PPM1H: variants seen among roughly 807,000 people sequenced by gnomAD.
The protein encoded by PPM1H is protein phosphatase 1H.
PPM1H carries 27 observed loss-of-function variants against 54.9 expected under a neutral mutation model. The observed-to-expected ratio is 0.49, with a 90% CI of 0.36 to 0.68. The LOEUF is 0.68. Ranked by LOEUF, PPM1H falls within the 30% of genes least tolerant of loss-of-function variation. PPM1H has a pLI of 0.00. For synonymous variants in PPM1H, 305 were observed against 270.8 expected (o/e 1.13, Z -1.24); for missense variants, 596 against 667.8 (o/e 0.89, Z 1.19).
chr12:62,894,099 A>G (rs973543704), intron 1 of PPM1H, among the ~76,000 whole-genome samples: 4 of 152,198 alleles, frequency 2.6e-5, no homozygotes, highest in Non-Finnish European at 5.9e-5. Flanking sequence ...GCGACTCCTG[A>G]CAATACAATG....
chr12:62,658,894 T>G lies in PPM1H; in HGVS notation c.1397+8284A>C, dbSNP rs2075863424. On this transcript the variant is annotated intron_variant, in intron 9 of 9. Coordinates refer to ENST00000228705, the MANE Select transcript of PPM1H (RefSeq NM_020700.2). ...CCAAGAAGTTCATCCAGCACCAGTCTGACCAATATGTCAAAATTAAGCGTA... is the reference window on the plus strand; with the variant it reads ...CCAAGAAGTTCATCCAGCACCAGTCGGACCAATATGTCAAAATTAAGCGTA... 4.6e-6 allele frequency: 3 copies of G among 650,436 alleles called. No homozygotes were observed. In the East Asian group the frequency reaches 9.7e-5, roughly 21 times the overall value. 40.3% of individuals were successfully genotyped at this position (650,436 alleles called of 1,614,324 possible).
intron 1 of PPM1H, among the ~76,000 whole-genome samples, chr12:62,891,644 T>C (rs1313788230): frequency 3.3e-5 from 5 of 152,218 alleles, no homozygotes; most frequent in Non-Finnish European, 5.9e-5. Flanking sequence ...GCTGGTGCTT[T>C]TTTGTTCTTA....
At chr12:62,858,809 A>G (rs1869491274) in intron 1 of PPM1H, among the ~76,000 whole-genome samples, 1 of 152,220 alleles carries the variant, frequency 6.6e-6, no homozygotes, top group Non-Finnish European at 1.5e-5. Context: ...TTATAATTTA[A>G]CTGCTTTGGT....
At chr12:62,721,695 A>G (rs1445274809) in intron 5 of PPM1H, among the ~76,000 whole-genome samples, 2 of 152,152 alleles carry the variant, frequency 1.3e-5, no homozygotes, top group African/African-American at 4.8e-5. Flanking sequence ...TGTGAATCCA[A>G]GCTCTGCTTT....
chr12:62,744,766 C>T (rs2076401152), intron 4 of PPM1H, among the ~76,000 whole-genome samples: 2 of 152,174 alleles, frequency 1.3e-5, no homozygotes, highest in African/African-American at 4.8e-5. Flanking sequence ...CTGCAGCCGC[C>T]AGGACAGCTG....
chr12:62,731,424 C>T (rs777573875), intron 5 of PPM1H, among the ~76,000 whole-genome samples: 12 of 152,168 alleles, frequency 7.9e-5, no homozygotes, highest in Non-Finnish European at 1.8e-4. Context: ...CCCACCAGCA[C>T]GCTTGAACCT....
At chr12:62,916,587 G>T (rs1871629736) in intron 1 of PPM1H, among the ~76,000 whole-genome samples, 1 of 151,798 alleles carries the variant, frequency 6.6e-6, no homozygotes, top group African/African-American at 2.4e-5. Flanking sequence ...ATATATCTCA[G>T]GAAAAGATAT....
chr12:62,876,636 C>CA, intron 1 of PPM1H, among the ~76,000 whole-genome samples: 1 of 152,260 alleles, frequency 6.6e-6, no homozygotes, highest in Middle Eastern at 3.4e-3. Context: ...TATAGGTCCC[C>CA]AGGACGTAGA....
At position 62,934,951 on chromosome 12, in the gene PPM1H, A is replaced by G; in HGVS notation, c.-215T>C. The G allele has an allele frequency of 3.3e-6, 1 of 304,340 alleles. No homozygotes were observed. Among genetic ancestry groups the G allele is most frequent in the Non-Finnish European group, 5.7e-6 (1 of 175,046 alleles). The allele number at this position is 304,340 out of a possible 1,614,324, so 18.9% of individuals were successfully genotyped here. On this transcript the variant is annotated 5_prime_UTR_variant, in exon 1 of 10. Coordinates refer to ENST00000228705, the MANE Select transcript of PPM1H (RefSeq NM_020700.2). The surrounding 1 kb of genome is among the most constrained non-coding windows in gnomAD (Gnocchi z 4.2). Reference sequence around the variant, plus strand: ...GCGGTGGCCGCCGCCTCCCCCCGCTACACTTCCGCAACGGAGCTGCATGGA... The same window carrying G: ...GCGGTGGCCGCCGCCTCCCCCCGCTGCACTTCCGCAACGGAGCTGCATGGA...
In PPM1H at chr12:62,934,570, C is replaced by T; in HGVS notation, c.167G>A (p.Cys56Tyr). 6 of 1,557,358 alleles carry T rather than the reference C, an allele frequency of 3.9e-6. No homozygotes were observed. Among genetic ancestry groups the T allele is most frequent in the Non-Finnish European group, 5.2e-6 (6 of 1,151,754 alleles). Residue 56 changes from cysteine (C) to tyrosine (Y), a missense_variant, in exon 1 of 10, where the codon TGC becomes TAC. Cys to Tyr is a radical substitution (Grantham distance 194). This residue lies in a region of PPM1H where 382 missense variants were observed against 387.1 expected (regional missense o/e 0.99). Transcript: ENST00000228705. The surrounding 1 kb of genome is among the most constrained non-coding windows in gnomAD (Gnocchi z 4.2). ...FLGLSQDEVE[C>Y]SADHIARPIL... ...GGGGCGGGCGATGTGGTCGGCGCTG[C>T]ACTCCACCTCGTCCTGAGACAGCCC...
At chr12:62,818,351 GATAA>G (rs898860512) in intron 2 of PPM1H, among the ~76,000 whole-genome samples, 3 of 152,110 alleles carry the variant, frequency 2.0e-5, no homozygotes, top group Non-Finnish European at 2.9e-5. Flanking sequence ...CAATCAGTAT[GATAA>G]ATAAAGACTC....
chr12:62,735,534 G>A (rs190711698), intron 5 of PPM1H, among the ~76,000 whole-genome samples: 79 of 152,216 alleles, frequency 5.2e-4, no homozygotes, highest in African/African-American at 1.7e-3. Flanking sequence ...TAAATCTTTC[G>A]TTCAGTAAAC....
Position 62,667,469 on chromosome 12 carries a change from C to G in PPM1H, c.1246-140G>C, listed in dbSNP as rs189011784. The G allele has an allele frequency of 2.1e-5, 16 of 753,278 alleles. No individual in the cohort carries two copies. In the East Asian group the frequency reaches 4.4e-4, roughly 21 times the overall value. 46.7% of individuals were successfully genotyped at this position (753,278 alleles called of 1,614,324 possible). On this transcript the variant is annotated intron_variant, in intron 8 of 9. Coordinates refer to ENST00000228705, the MANE Select transcript of PPM1H (RefSeq NM_020700.2). Reference sequence around the variant, plus strand: ...ATGCATTGTAGGGTACTTGATTATACAGCGAGCTGTGTGGCCAGGGATAGT... The same window carrying G: ...ATGCATTGTAGGGTACTTGATTATAGAGCGAGCTGTGTGGCCAGGGATAGT...
chr12:62,760,080 T>A (rs759233757), intron 4 of PPM1H, among the ~76,000 whole-genome samples: 28 of 152,178 alleles, frequency 1.8e-4, no homozygotes, highest in Non-Finnish European at 3.5e-4. Context: ...TGACCTAAAA[T>A]CTAAGCATCT....
At chr12:62,830,932 C>A (rs904096356) in intron 2 of PPM1H, among the ~76,000 whole-genome samples, 6 of 152,068 alleles carry the variant, frequency 3.9e-5, no homozygotes, top group African/African-American at 1.4e-4. Flanking sequence ...CAGCTCACTG[C>A]AAGCTCTGCC....
At chr12:62,817,137 GAAAAAAAAAAAAACTAAAAAAAAGAAA>G in intron 2 of PPM1H, among the ~76,000 whole-genome samples, 1 of 67,352 alleles carries the variant, frequency 1.5e-5, no homozygotes, top group African/African-American at 6.2e-5. Flanking sequence ...AAAAAAAAAA[GAAAAAAAAAAAAACTAAAAAAAAGAAA>G]AAAAAAAAAA....
At chr12:62,689,570 G>C in intron 8 of PPM1H, 129 bp downstream of exon 8, 1 of 649,798 alleles carries the variant, frequency 1.5e-6, no homozygotes, top group South Asian at 2.0e-5. Context: ...AGACACAGAC[G>C]TGAGAGATAC....
intron 1 of PPM1H, among the ~76,000 whole-genome samples, chr12:62,912,128 T>C (rs963605938): frequency 6.6e-6 from 1 of 152,186 alleles, no homozygotes; most frequent in Admixed American, 6.5e-5. Context: ...AAAAAAGTGG[T>C]GATTATATGA....
intron 2 of PPM1H, among the ~76,000 whole-genome samples, chr12:62,824,693 G>C (rs1201806757): frequency 6.6e-6 from 1 of 152,172 alleles, no homozygotes; most frequent in Non-Finnish European, 1.5e-5. Flanking sequence ...AAACTGGCTA[G>C]CCATATGTAG....
Sources: gnomAD v4.1 joint callset for allele counts (sites outside exome capture counted in the v4.1 genomes callset) on GRCh38, gnomAD v4.1.1 for gene constraint, gnomAD v4.1.1 regional missense constraint, Gnocchi (gnomAD v3.1) non-coding constraint, MANE v1.5 for transcripts, NCBI Gene and HGNC (gene_info 2026-07-23, HGNC 2026-07-21) for gene names.